AKAP19: variants seen among roughly 807,000 people sequenced by gnomAD.
AKAP19 encodes small A-kinase anchoring protein.
chr2:190,192,502 C>CTA, the AKAP19 span, among the ~76,000 whole-genome samples: 2 of 137,952 alleles, frequency 1.4e-5, no homozygotes, highest in South Asian at 2.2e-4. Flanking sequence ...ATCTATATAT[C>CTA]TATATATATA....
At chr2:190,169,662 G>C in the AKAP19 span, among the ~76,000 whole-genome samples, 1 of 152,212 alleles carries the variant, frequency 6.6e-6, no homozygotes, top group African/African-American at 2.4e-5. Context: ...TAAGCATTAT[G>C]AAATATGATC....
At chr2:190,104,215 A>G in the AKAP19 span, among the ~76,000 whole-genome samples, 1 of 152,196 alleles carries the variant, frequency 6.6e-6, no homozygotes, top group South Asian at 2.1e-4. Flanking sequence ...TAAATGTAAG[A>G]CCTCAAACTG....
At chr2:190,018,629 A>G in the AKAP19 span, among the ~76,000 whole-genome samples, 3 of 152,136 alleles carry the variant, frequency 2.0e-5, no homozygotes, top group African/African-American at 4.8e-5. Context: ...CAGTCATTCC[A>G]TAGATCTTCA....
At chr2:190,034,356 G>T in the AKAP19 span, among the ~76,000 whole-genome samples, 1 of 151,268 alleles carries the variant, frequency 6.6e-6, no homozygotes, top group African/African-American at 2.4e-5. Context: ...TTTAATCAAT[G>T]ATGGCCTTTA....
the AKAP19 span, among the ~76,000 whole-genome samples, chr2:189,989,178 C>T: frequency 1.4e-3 from 216 of 152,176 alleles, no homozygotes; most frequent in Admixed American, 2.9e-3. Flanking sequence ...TAAGCTTAGA[C>T]TTTATTAAGC....
the AKAP19 span, among the ~76,000 whole-genome samples, chr2:190,054,251 A>G: frequency 6.6e-6 from 1 of 152,182 alleles, no homozygotes; most frequent in Non-Finnish European, 1.5e-5. Flanking sequence ...AGGATTCCCT[A>G]TTTAATAAAT....
the AKAP19 span, among the ~76,000 whole-genome samples, chr2:190,077,707 G>A: frequency 3.9e-5 from 6 of 152,274 alleles, no homozygotes; most frequent in East Asian, 5.8e-4. Flanking sequence ...TAAATATTAT[G>A]TTGTAGTACA....
At chr2:190,025,921 G>A in the AKAP19 span, among the ~76,000 whole-genome samples, 19 of 152,038 alleles carry the variant, frequency 1.2e-4, no homozygotes, top group African/African-American at 1.4e-4. Flanking sequence ...TATTCATATC[G>A]TAGTTCTCAA....
chr2:190,059,503 A>T, the AKAP19 span, among the ~76,000 whole-genome samples: 2 of 151,998 alleles, frequency 1.3e-5, no homozygotes, highest in Non-Finnish European at 2.9e-5. Flanking sequence ...GTGCATCAAC[A>T]TCCTACAAAT....
the AKAP19 span, chr2:189,930,750 C>G: frequency 3.5e-5 from 24 of 691,136 alleles, no homozygotes; most frequent in South Asian, 1.7e-4. Context: ...ACTCCCAGAT[C>G]TGTTTTACTG....
the AKAP19 span, among the ~76,000 whole-genome samples, chr2:190,137,042 A>G: frequency 1.3e-5 from 2 of 152,246 alleles, no homozygotes; most frequent in Non-Finnish European, 2.9e-5. Flanking sequence ...CTTCATTCAG[A>G]ACAGGGACAA....
At chr2:190,097,087 C>T in the AKAP19 span, among the ~76,000 whole-genome samples, 1 of 152,098 alleles carries the variant, frequency 6.6e-6, no homozygotes, top group Admixed American at 6.5e-5. Flanking sequence ...ATTTTAAGTT[C>T]AGGTGTACAT....
At chr2:189,972,468 CT>C in the AKAP19 span, among the ~76,000 whole-genome samples, 2 of 152,160 alleles carry the variant, frequency 1.3e-5, no homozygotes, top group Non-Finnish European at 2.9e-5. Context: ...AATGCGGGCT[CT>C]TTTTTGGTTC....
At chr2:189,921,705 A>G in the AKAP19 span, among the ~76,000 whole-genome samples, 1 of 152,232 alleles carries the variant, frequency 6.6e-6, no homozygotes, top group Non-Finnish European at 1.5e-5. Context: ...AGAACAGAGA[A>G]CAGAGTAGAC....
chr2:190,072,515 ATGAGGT>A, the AKAP19 span, among the ~76,000 whole-genome samples: 1 of 152,240 alleles, frequency 6.6e-6, no homozygotes, highest in African/African-American at 2.4e-5. Flanking sequence ...AATTAAGTCA[ATGAGGT>A]TGATGAAAAA....
chr2:190,163,448 C>CAAA, the AKAP19 span, among the ~76,000 whole-genome samples: 1 of 127,422 alleles, frequency 7.8e-6, no homozygotes, highest in African/African-American at 2.9e-5. Context: ...AAACAAAAAA[C>CAAA]AAAAAACAAA....
the AKAP19 span, among the ~76,000 whole-genome samples, chr2:190,065,161 C>T: frequency 6.6e-6 from 1 of 151,882 alleles, no homozygotes; most frequent in Non-Finnish European, 1.5e-5. Context: ...TTTTTTATTG[C>T]TCCTCTTATT....
the AKAP19 span, among the ~76,000 whole-genome samples, chr2:190,131,028 T>G: frequency 2.6e-5 from 4 of 152,186 alleles, no homozygotes; most frequent in Admixed American, 6.5e-5. Context: ...ATATATGTAT[T>G]GGTCTCTGCC....
At chr2:190,089,071 A>G in the AKAP19 span, among the ~76,000 whole-genome samples, 8 of 152,138 alleles carry the variant, frequency 5.3e-5, no homozygotes, top group South Asian at 4.1e-4. Context: ...TTTGAGTCCA[A>G]TGCTCTTTCA....
Sources: allele counts gnomAD v4.1 joint callset (sites outside exome capture counted in the v4.1 genomes callset), GRCh38; gene constraint gnomAD v4.1.1; transcripts MANE v1.5; gene names NCBI Gene and HGNC (gene_info 2026-07-23, HGNC 2026-07-21).